Variants in COL23A1 observed in about 807,000 individuals in gnomAD.
COL23A1 encodes the protein collagen type XXIII alpha 1 chain.
A neutral mutation model predicts 99.3 loss-of-function variants in COL23A1; 97 were observed. The observed-to-expected ratio is 0.98, with a 90% CI of 0.83 to 1.16. COL23A1 has a LOEUF of 1.16. Among genes scored for constraint, COL23A1 ranks in the 50% most tolerant of loss-of-function variants. The pLI, the probability that COL23A1 is intolerant of heterozygous loss-of-function variation, is 0.00. For synonymous variants in COL23A1, 320 were observed against 308.2 expected (o/e 1.04, Z -0.40); for missense variants, 762 against 757.4 (o/e 1.01, Z -0.07).
chr5:178,364,562 G>A (rs2127710015), intron 2 of COL23A1, among the ~76,000 whole-genome samples: 1 of 152,154 alleles, frequency 6.6e-6, no homozygotes, highest in East Asian at 1.9e-4. Flanking sequence ...GTCTTCCTAA[G>A]GCTATCTGAT....
chr5:178,380,727 G>C (rs117491306), intron 2 of COL23A1, among the ~76,000 whole-genome samples: 1 of 152,152 alleles, frequency 6.6e-6, no homozygotes, highest in African/African-American at 2.4e-5. Context: ...GGAGGATCAC[G>C]TCCGGGGCCA....
intron 20 of COL23A1, 110 bp from the exon 21 acceptor site, chr5:178,247,941 A>G: frequency 9.9e-7 from 1 of 1,011,196 alleles, no homozygotes; most frequent in Non-Finnish European, 1.5e-6. Context: ...TGCCCCCCAG[A>G]GGGCAGAGTC....
At chr5:178,338,103 G>A (rs1760449915) in intron 2 of COL23A1, among the ~76,000 whole-genome samples, 1 of 152,150 alleles carries the variant, frequency 6.6e-6, no homozygotes, top group Non-Finnish European at 1.5e-5. Context: ...GTATGGGCAG[G>A]GGAACTGACC....
In COL23A1 at chr5:178,351,561, A is replaced by G. The variant is rs1249986756; in HGVS notation, c.362-44642T>C. 5.3e-5 allele frequency among the ~76,000 whole-genome samples: 8 copies of G among 152,136 alleles called. No homozygotes were observed. The East Asian group carries it at 1.5e-3, about 29-fold the overall frequency. Reference sequence around the variant, plus strand: ...GCACTCGGCCCACTGTTTCTTTAACAGGAAGGATGAGACAGAAAACAGCGT... The same window carrying G: ...GCACTCGGCCCACTGTTTCTTTAACGGGAAGGATGAGACAGAAAACAGCGT... On this transcript the variant is annotated intron_variant, in intron 2 of 28. Coordinates refer to ENST00000390654, the MANE Select transcript of COL23A1 (RefSeq NM_173465.4).
chr5:178,366,999 G>A lies in COL23A1; in HGVS notation c.362-60080C>T, dbSNP rs558081615. On this transcript the variant is annotated intron_variant, in intron 2 of 28. Coordinates refer to ENST00000390654, the MANE Select transcript of COL23A1 (RefSeq NM_173465.4). The surrounding 1 kb of genome is among the most constrained non-coding windows in gnomAD (Gnocchi z 4.4). ...CTGGAATGGGGTGGTCATTTGGTGC[G>A]TGTTTGTTGAAACTGAATTTTACAT... Among the ~76,000 whole-genome samples, 7 of 152,238 alleles carry A rather than the reference G, an allele frequency of 4.6e-5. No homozygotes were observed. In the South Asian group the frequency reaches 8.3e-4, roughly 18 times the overall value.
At position 178,307,324 on chromosome 5, in the gene COL23A1, G is replaced by A. The variant is rs1437053822; in HGVS notation, c.362-405C>T. Among the ~76,000 whole-genome samples the A allele has an allele frequency of 1.3e-5, 2 of 152,178 alleles. No homozygotes were observed. Among genetic ancestry groups the A allele is most frequent in the African/African-American group, 2.4e-5 (1 of 41,442 alleles). On this transcript the variant is annotated intron_variant, in intron 2 of 28. Coordinates refer to ENST00000390654, the MANE Select transcript of COL23A1 (RefSeq NM_173465.4). This position sits in a 1 kb window ranked among gnomAD's most constrained non-coding sequence, Gnocchi z 4.2. ...TTATCTTAGGAAAGCCCTGACAAAC[G>A]CTGCTTCATATTCACTAAAGTAAAA... is the stretch of plus-strand genomic sequence containing the variant.
At chr5:178,531,873 A>G (rs1172483939) in intron 2 of COL23A1, among the ~76,000 whole-genome samples, 1 of 152,166 alleles carries the variant, frequency 6.6e-6, no homozygotes, top group Non-Finnish European at 1.5e-5. Flanking sequence ...CCAGTGCAGC[A>G]TGAGAGGAGC....
At chr5:178,521,783 T>C (rs997150484) in intron 2 of COL23A1, among the ~76,000 whole-genome samples, 6 of 152,226 alleles carry the variant, frequency 3.9e-5, no homozygotes, top group African/African-American at 1.4e-4. Flanking sequence ...TCAATGTATA[T>C]GAAATATCTA....
intron 6 of COL23A1, 118 bp downstream of exon 6, chr5:178,270,219 C>G (rs1324745775): frequency 9.1e-6 from 11 of 1,206,466 alleles, no homozygotes; most frequent in African/African-American, 4.5e-5. Flanking sequence ...CAAAAGGCTT[C>G]TCTCTGTGCT....
At chr5:178,522,195 T>C (rs1014371946) in intron 2 of COL23A1, among the ~76,000 whole-genome samples, 7 of 152,196 alleles carry the variant, frequency 4.6e-5, no homozygotes, top group African/African-American at 1.7e-4. Flanking sequence ...CTAAAACGTG[T>C]TTTCGGTTTA....
intron 2 of COL23A1, among the ~76,000 whole-genome samples, chr5:178,378,378 G>C (rs1351857408): frequency 6.6e-6 from 1 of 152,118 alleles, no homozygotes; most frequent in Non-Finnish European, 1.5e-5. Context: ...CAGCAAGTGG[G>C]CCTCCTCAAG....
intron 2 of COL23A1, among the ~76,000 whole-genome samples, chr5:178,525,035 G>A (rs1270913914): frequency 6.6e-6 from 1 of 151,724 alleles, no homozygotes; most frequent in African/African-American, 2.4e-5. Flanking sequence ...AGCTCACATG[G>A]CTGGTAAGAA....
intron 2 of COL23A1, among the ~76,000 whole-genome samples, chr5:178,495,411 G>A (rs563826404): frequency 3.9e-5 from 6 of 152,238 alleles, no homozygotes; most frequent in African/African-American, 9.6e-5. Flanking sequence ...GAGGCCAATC[G>A]TGAACTTCAG....
At position 178,358,302 on chromosome 5, in the gene COL23A1, A is replaced by ATGTATGTGTG. The variant is rs1370112415; in HGVS notation, c.362-51393_362-51384dup. Among the ~76,000 whole-genome samples the ATGTATGTGTG allele has an allele frequency of 3.4e-3, 440 of 128,606 alleles. 6 individuals are homozygous for ATGTATGTGTG. The highest frequency in any genetic ancestry group is 0.013 in the African/African-American group (411 of 30,536). 84.4% of individuals were successfully genotyped at this position (128,606 alleles called of 152,430 possible). On this transcript the variant is annotated intron_variant, in intron 2 of 28. Coordinates refer to ENST00000390654, the MANE Select transcript of COL23A1 (RefSeq NM_173465.4). The stretch of plus-strand genomic sequence containing the variant: ...TGTATGCGTGTGCGTATATGTATGT[A>ATGTATGTGTG]TGTATGTGTGTGTATGTGTATGTGT...
chr5:178,382,812 C>T (rs1203481633), intron 2 of COL23A1, among the ~76,000 whole-genome samples: 1 of 152,210 alleles, frequency 6.6e-6, no homozygotes, highest in African/African-American at 2.4e-5. Context: ...CCCACACACC[C>T]CTCCCCACCG....
At chr5:178,454,358 G>T (rs1767653612) in intron 2 of COL23A1, among the ~76,000 whole-genome samples, 1 of 152,158 alleles carries the variant, frequency 6.6e-6, no homozygotes, top group Admixed American at 6.5e-5. Context: ...TTTCTCTATG[G>T]TTATCAAATA....
intron 2 of COL23A1, among the ~76,000 whole-genome samples, chr5:178,347,587 T>TAAA (rs999487177): frequency 6.9e-6 from 1 of 145,870 alleles, no homozygotes; most frequent in East Asian, 2.0e-4. Flanking sequence ...ATATCTCTAT[T>TAAA]AAAAAAAAAA....
chr5:178,543,233 G>A (rs1037045489), intron 2 of COL23A1, among the ~76,000 whole-genome samples: 44 of 151,584 alleles, frequency 2.9e-4, no homozygotes, highest in African/African-American at 9.4e-4. Flanking sequence ...TCAGCCTCCC[G>A]GGTAGCTGGA....
intron 2 of COL23A1, among the ~76,000 whole-genome samples, chr5:178,537,683 A>G (rs925816280): frequency 6.6e-6 from 1 of 152,228 alleles, no homozygotes; most frequent in East Asian, 1.9e-4. Context: ...CAAGGCCATG[A>G]CAGGCGCCTT....
Sources: gnomAD v4.1 joint callset for allele counts (sites outside exome capture counted in the v4.1 genomes callset) on GRCh38, gnomAD v4.1.1 for gene constraint, Gnocchi (gnomAD v3.1) non-coding constraint, MANE v1.5 for transcripts, NCBI Gene and HGNC (gene_info 2026-07-23, HGNC 2026-07-21) for gene names.